RBMS3: variants seen among roughly 807,000 people sequenced by gnomAD.
RBMS3 encodes RNA-binding motif, single-stranded-interacting protein 3.
A neutral mutation model predicts 66.8 loss-of-function variants in RBMS3; 27 were observed. That is an observed-to-expected ratio of 0.40 (90% CI 0.30 to 0.56). RBMS3 has a LOEUF of 0.56. RBMS3 is among the 20% of genes least tolerant of loss of function. RBMS3 has a pLI of 0.40. For missense variants in RBMS3, 513 were observed against 549.5 expected (o/e 0.93, Z 0.66); for synonymous variants, 188 against 183.0 (o/e 1.03, Z -0.22).
At chr3:29,976,008 T>G (rs1303573185) in intron 12 of RBMS3, among the ~76,000 whole-genome samples, 1 of 151,970 alleles carries the variant, frequency 6.6e-6, no homozygotes, top group Non-Finnish European at 1.5e-5. Flanking sequence ...TTCATCAAGA[T>G]TTTCTAATTT....
At chr3:29,375,332 T>A (rs2038411211) in intron 1 of RBMS3, among the ~76,000 whole-genome samples, 1 of 152,050 alleles carries the variant, frequency 6.6e-6, no homozygotes, top group Non-Finnish European at 1.5e-5. Context: ...CAAAAGCAAT[T>A]GTGACAAAAG....
chr3:29,951,282 C>G (rs1403437073), intron 12 of RBMS3, among the ~76,000 whole-genome samples: 1 of 151,620 alleles, frequency 6.6e-6, no homozygotes, highest in African/African-American at 2.4e-5. Context: ...AAATTTACCA[C>G]CAGACACTGT....
chr3:29,721,829 A>G (rs1428499265), intron 4 of RBMS3, among the ~76,000 whole-genome samples: 3 of 152,162 alleles, frequency 2.0e-5, no homozygotes, highest in Admixed American at 6.6e-5. Flanking sequence ...TCTTTTATTT[A>G]CTATTGCCTA....
chr3:29,358,898 T>C (rs1012496094), intron 1 of RBMS3, among the ~76,000 whole-genome samples: 3 of 152,358 alleles, frequency 2.0e-5, no homozygotes, highest in African/African-American at 7.2e-5. Context: ...ATTGATTTTG[T>C]ATCCTGAGAC....
intron 10 of RBMS3, among the ~76,000 whole-genome samples, chr3:29,914,548 A>G (rs1415078381): frequency 2.6e-5 from 4 of 151,784 alleles, no homozygotes; most frequent in Non-Finnish European, 2.9e-5. Context: ...TACTAGTCTT[A>G]TATGTACTAA....
chr3:29,514,146 G>A (rs1013685519), intron 3 of RBMS3, among the ~76,000 whole-genome samples: 2 of 152,150 alleles, frequency 1.3e-5, no homozygotes, highest in African/African-American at 4.8e-5. Context: ...AGTATGTAAG[G>A]AAGGGATTAT....
intron 6 of RBMS3, among the ~76,000 whole-genome samples, chr3:29,845,093 C>T (rs2058746891): frequency 6.6e-6 from 1 of 152,132 alleles, no homozygotes; most frequent in Non-Finnish European, 1.5e-5. Flanking sequence ...GTTTATAGGC[C>T]ATGGAGGCTC....
chr3:29,839,100 C>T (rs986025203), intron 6 of RBMS3, among the ~76,000 whole-genome samples: 30 of 152,114 alleles, frequency 2.0e-4, no homozygotes, highest in African/African-American at 7.0e-4. Flanking sequence ...ATTGTTAATA[C>T]ATTTTTCAAG....
chr3:29,392,518 A>G (rs188429274), intron 1 of RBMS3, among the ~76,000 whole-genome samples: 1 of 152,302 alleles, frequency 6.6e-6, no homozygotes, highest in East Asian at 1.9e-4. Context: ...TTGCAAAGTA[A>G]ATTAATACAT....
At chr3:29,451,390 C>G (rs2371613) in intron 2 of RBMS3, among the ~76,000 whole-genome samples, 37,558 of 151,946 alleles carry the variant, frequency 0.25, 6,526 homozygotes, top group African/African-American at 0.46. Context: ...AGTGCTAACT[C>G]CCCCCTTTCT....
intron 6 of RBMS3, among the ~76,000 whole-genome samples, chr3:29,810,728 A>G (rs2057706442): frequency 6.6e-6 from 1 of 152,200 alleles, no homozygotes; most frequent in Non-Finnish European, 1.5e-5. Context: ...GACAAATACC[A>G]TAGTAATAAT....
At chr3:29,335,697 A>C (rs1241333906) in intron 1 of RBMS3, among the ~76,000 whole-genome samples, 1 of 152,212 alleles carries the variant, frequency 6.6e-6, no homozygotes, top group Admixed American at 6.5e-5. Context: ...AAGTGTGAGC[A>C]TTCCAAAGGC....
At chr3:29,443,608 A>C (rs1219660307) in intron 2 of RBMS3, among the ~76,000 whole-genome samples, 1 of 152,122 alleles carries the variant, frequency 6.6e-6, no homozygotes, top group African/African-American at 2.4e-5. Context: ...TGAAGAAAGA[A>C]ATGAGCTTGT....
intron 10 of RBMS3, among the ~76,000 whole-genome samples, chr3:29,908,222 G>A (rs1305219846): frequency 6.6e-6 from 1 of 151,610 alleles, no homozygotes; most frequent in Non-Finnish European, 1.5e-5. Context: ...CTGTACTCCA[G>A]CCTGAGCAAC....
chr3:29,673,975 C>T (rs1467855156), intron 4 of RBMS3, among the ~76,000 whole-genome samples: 1 of 152,146 alleles, frequency 6.6e-6, no homozygotes, highest in African/African-American at 2.4e-5. Context: ...GATCAATATG[C>T]CTGATGAACA....
chr3:29,600,639 G>A (rs985127801), intron 4 of RBMS3, among the ~76,000 whole-genome samples: 2 of 152,064 alleles, frequency 1.3e-5, no homozygotes, highest in Non-Finnish European at 2.9e-5. Context: ...GTTGTAAATG[G>A]TAAAAATTTG....
intron 4 of RBMS3, among the ~76,000 whole-genome samples, chr3:29,610,943 C>A (rs1032463829): frequency 6.6e-6 from 1 of 152,026 alleles, no homozygotes; most frequent in Non-Finnish European, 1.5e-5. Flanking sequence ...AAAAAATCAT[C>A]CTTCTTCTTA....
At chr3:29,364,870 C>T (rs1476930029) in intron 1 of RBMS3, among the ~76,000 whole-genome samples, 1 of 152,080 alleles carries the variant, frequency 6.6e-6, no homozygotes, top group Admixed American at 6.6e-5. Flanking sequence ...CCAATTGCTT[C>T]CTCCACAGTT....
At chr3:29,951,694 G>A (rs1695690562) in intron 12 of RBMS3, among the ~76,000 whole-genome samples, 2 of 151,468 alleles carry the variant, frequency 1.3e-5, no homozygotes, top group South Asian at 4.1e-4. Context: ...TCCAAAGAAA[G>A]GAGTCTTTTT....
Sources: gnomAD v4.1 joint callset for allele counts (sites outside exome capture counted in the v4.1 genomes callset) on GRCh38, gnomAD v4.1.1 for gene constraint, MANE v1.5 for transcripts, NCBI Gene and HGNC (gene_info 2026-07-23, HGNC 2026-07-21) for gene names.